The following MVK variants were observed in gnomAD, a reference collection of about 807,000 sequenced individuals.
The protein encoded by MVK is LH receptor mRNA-binding protein.
In MVK, 34 loss-of-function variants were observed where a neutral mutation model predicts 43.2. That is an observed-to-expected ratio of 0.79 (90% CI 0.60 to 1.05). The LOEUF is 1.05. Ranked by LOEUF, MVK falls within the 50% of genes least tolerant of loss-of-function variation. The pLI is 0.00. For missense variants in MVK, 395 were observed against 504.0 expected, an observed-to-expected ratio of 0.78 and a Z score of 2.07; for synonymous variants, 190 against 219.8, an observed-to-expected ratio of 0.86 and a Z score of 1.20.
chr12:109,580,077 G>GTGCCAGGCACCC, intron 4 of MVK, 131 bp downstream of exon 4: 1 of 1,374,604 alleles, frequency 7.3e-7, no homozygotes, highest in South Asian at 1.2e-5. Context: ...TCCTCATCAT[G>GTGCCAGGCACCC]TGCCAGGCAC....
chr12:109,585,984 C>T, intron 5 of MVK, 38 bp from the exon 6 acceptor site: 3 of 1,579,240 alleles, frequency 1.9e-6, no homozygotes, highest in Non-Finnish European at 2.6e-6. Context: ...AGCCCCACTC[C>T]TCACTGCCAC....
chr12:109,579,738 G>A, intron 3 of MVK, 64 bp from the exon 4 acceptor site: 1 of 1,600,144 alleles, frequency 6.2e-7, no homozygotes, highest in South Asian at 1.1e-5. Flanking sequence ...TCTGTGTTCT[G>A]TTGTTTATAA....
At chr12:109,580,525 C>T (rs1885172270) in intron 4 of MVK, among the ~76,000 whole-genome samples, 1 of 152,164 alleles carries the variant, frequency 6.6e-6, no homozygotes, top group African/African-American at 2.4e-5. Context: ...AGGCTCTATG[C>T]TGAGGACACA....
chr12:109,596,368 T>A, intron 10 of MVK, 58 bp from the exon 11 acceptor site: 4 of 1,576,794 alleles, frequency 2.5e-6, no homozygotes, highest in Non-Finnish European at 3.4e-6. Flanking sequence ...TTGAATATGA[T>A]GAGCTTCTCC....
At position 109,574,441 on chromosome 12, in the gene MVK, T is replaced by C. The variant is rs181444793; in HGVS notation, c.-14-368T>C. Among the ~76,000 whole-genome samples the C allele has an allele frequency of 1.4e-4, 21 of 152,364 alleles. No individual in the cohort carries two copies. The East Asian group carries it at 2.5e-3, about 18-fold the overall frequency. ...GCCAGTAATAAGTAGCTCTCAGTAATTGAATGATTAGTAGGTGCCAGACAC... is the reference window on the plus strand; with the variant it reads ...GCCAGTAATAAGTAGCTCTCAGTAACTGAATGATTAGTAGGTGCCAGACAC... On this transcript the variant is annotated intron_variant, in intron 1 of 10. Transcript: ENST00000228510.
Position 109,595,148 on chromosome 12 carries a change from G to A in MVK, c.1006G>A (p.Gly336Ser), listed in dbSNP as rs104895358. Residue 336 changes from glycine to serine, a missense_variant, in exon 10 of 11, where the codon GGT becomes AGT. Gly to Ser is a moderately conservative substitution (Grantham distance 56). Coordinates refer to ENST00000228510, the MANE Select transcript of MVK (RefSeq NM_000431.4). The surrounding 1 kb of genome is among the most constrained non-coding windows in gnomAD (Gnocchi z 5.9). Reference sequence around the variant, plus strand: ...TCACAGCAAGCTGACTGGCGCAGGCGGTGGTGGCTGTGGCATCACACTCCT... The same window carrying A: ...TCACAGCAAGCTGACTGGCGCAGGCAGTGGTGGCTGTGGCATCACACTCCT... Reference protein sequence around the residue: ...GLHSKLTGAGGGGCGITLLKP... With the variant: ...GLHSKLTGAGSGGCGITLLKP... 12 of 1,614,122 alleles carry A rather than the reference G, an allele frequency of 7.4e-6. No homozygotes were observed. The highest frequency in any genetic ancestry group is 3.3e-5 in the Admixed American group (2 of 60,026).
chr12:109,594,620 G>A (rs2136252341), intron 9 of MVK, among the ~76,000 whole-genome samples: 1 of 152,298 alleles, frequency 6.6e-6, no homozygotes, highest in East Asian at 1.9e-4. Flanking sequence ...CGTAATATCT[G>A]ATCATGTGGC....
chr12:109,574,979 C>A (rs1884870539), intron 2 of MVK, 79 bp downstream of exon 2: 3 of 1,387,120 alleles, frequency 2.2e-6, no homozygotes, highest in South Asian at 2.5e-5. Flanking sequence ...AAAAGGACAC[C>A]CTGAGGCACA....
At chr12:109,582,438 T>A (rs1197655261) in intron 5 of MVK, among the ~76,000 whole-genome samples, 2 of 152,120 alleles carry the variant, frequency 1.3e-5, no homozygotes, top group Admixed American at 1.3e-4. Context: ...CAGGTTCAAG[T>A]GATTTTCCAC....
intron 6 of MVK, 130 bp downstream of exon 6, chr12:109,586,255 C>T: frequency 3.7e-6 from 3 of 820,586 alleles, no homozygotes; most frequent in Non-Finnish European, 6.1e-6. Context: ...TAGCATTTTC[C>T]TATTTTGGGG....
intron 9 of MVK, among the ~76,000 whole-genome samples, chr12:109,593,611 AGT>A (rs1373930739): frequency 6.6e-6 from 1 of 151,952 alleles, no homozygotes; most frequent in Non-Finnish European, 1.5e-5. Context: ...CCTTTTGTAA[AGT>A]GGGGATGATG....
intron 4 of MVK, 55 bp from the exon 5 acceptor site, chr12:109,581,340 C>G (rs1885205901): frequency 3.7e-6 from 6 of 1,609,878 alleles, no homozygotes; most frequent in Admixed American, 1.7e-5. Context: ...TGGTTCAGTG[C>G]TGGCACCCCA....
At chr12:109,578,415 T>A (rs1158603097) in intron 3 of MVK, among the ~76,000 whole-genome samples, 1 of 148,838 alleles carries the variant, frequency 6.7e-6, no homozygotes, top group Middle Eastern at 3.2e-3. Context: ...GAACACTTAT[T>A]GGGCACTTAC....
chr12:109,581,277 C>T, intron 4 of MVK, 118 bp from the exon 5 acceptor site: 6 of 1,324,256 alleles, frequency 4.5e-6, no homozygotes, highest in Non-Finnish European at 6.5e-6. Context: ...GGAATTCTCC[C>T]CCAGTTGAGA....
chr12:109,591,342 G>C lies in MVK; in HGVS notation c.870G>C (p.Gln290His). The C allele has an allele frequency of 6.2e-7, 1 of 1,614,178 alleles. No individual in the cohort carries two copies. Among genetic ancestry groups the C allele is most frequent in the South Asian group, 1.1e-5 (1 of 91,086 alleles). Reference sequence around the variant, plus strand: ...TGGGGGAAGCCCCAGCCCCGGAGCAGTACCTCGTGCTGGAAGTAAGAGCCT... The same window carrying C: ...TGGGGGAAGCCCCAGCCCCGGAGCACTACCTCGTGCTGGAAGTAAGAGCCT... ...GEMGEAPAPE[Q>H]YLVLEELIDM... is the part of the protein sequence containing the mutation. Residue 290 changes from glutamine to histidine, a missense_variant, in exon 9 of 11, where the codon CAG becomes CAC. Transcript: ENST00000228510.
At position 109,586,747 on chromosome 12, in the gene MVK, T is replaced by C; in HGVS notation, c.632-7T>C. The stretch of plus-strand genomic sequence containing the variant: ...CACAGCTCTGACCCACTGGTTTTTC[T>C]CTTTAGGAGGAGCCCTCCGATACCA... On this transcript the variant is annotated splice_polypyrimidine_tract_variant and splice_region_variant and intron_variant, in intron 6 of 10. Coordinates refer to ENST00000228510, the MANE Select transcript of MVK (RefSeq NM_000431.4). The C allele has an allele frequency of 6.2e-7, 1 of 1,614,108 alleles. No individual in the cohort carries two copies. The highest frequency in any genetic ancestry group is 8.5e-7 in the Non-Finnish European group (1 of 1,179,976).
Position 109,581,476 on chromosome 12 carries a change from G to A in MVK, c.453G>A (p.Val151=), listed in dbSNP as rs1725313258. The part of the protein sequence containing the change: ...AGLGSSAAYS[V]CLAAALLTVC... ...TGGGCTCCAGCGCCGCCTACTCGGT[G>A]TGTCTGGCAGCAGCCCTCCTGACTG... is the stretch of plus-strand genomic sequence containing the variant. Residue 151 remains valine, a synonymous_variant, in exon 5 of 11, where the codon GTG becomes GTA. Transcript: ENST00000228510. 2 of 1,614,090 alleles carry A rather than the reference G, an allele frequency of 1.2e-6. No homozygotes were observed. Among genetic ancestry groups the A allele is most frequent in the African/African-American group, 2.7e-5 (2 of 74,940 alleles).
chr12:109,573,772 C>T (rs1884775313), upstream of MVK: 5 of 465,642 alleles, frequency 1.1e-5, no homozygotes, highest in South Asian at 1.1e-4. Context: ...AGTACAACGC[C>T]TCCTCCCCTT....
At chr12:109,573,758 C>A, upstream of MVK, 1 of 509,876 alleles carries the variant, frequency 2.0e-6, no homozygotes. Context: ...ATTGGCTGGC[C>A]TGAAGTACAA....
Sources: gnomAD v4.1 joint callset for allele counts (sites outside exome capture counted in the v4.1 genomes callset) on GRCh38, gnomAD v4.1.1 for gene constraint, Gnocchi (gnomAD v3.1) non-coding constraint, MANE v1.5 for transcripts, NCBI Gene and HGNC (gene_info 2026-07-23, HGNC 2026-07-21) for gene names.